Variants in PPP2R3A observed in about 807,000 individuals in gnomAD.
The protein encoded by PPP2R3A is serine/threonine-protein phosphatase 2A regulatory subunit B'' subunit alpha.
A neutral mutation model predicts 106.9 loss-of-function variants in PPP2R3A; 80 were observed. That is an observed-to-expected ratio of 0.75 (90% CI 0.62 to 0.90). The LOEUF (loss-of-function observed/expected upper bound fraction) is 0.90. PPP2R3A is among the 40% of genes least tolerant of loss of function. The pLI is 0.00. For missense variants in PPP2R3A, 1,386 were observed against 1,350.4 expected, an observed-to-expected ratio of 1.03 and a Z score of -0.41; for synonymous variants, 483 against 468.3, an observed-to-expected ratio of 1.03 and a Z score of -0.41.
In PPP2R3A at chr3:136,147,061, C is replaced by G. The variant is rs1939165170; in HGVS notation, c.*1895C>G. ...GAAGTCCTCTTGCTTTCACTTTGAT[C>G]TGGTTTTTGAAGTCTCTTAATTATT... On this transcript the variant is annotated 3_prime_UTR_variant, in exon 14 of 14. Coordinates refer to ENST00000264977, the MANE Select transcript of PPP2R3A (RefSeq NM_002718.5). 1.3e-5 allele frequency: 2 copies of G among 151,892 alleles called. No homozygotes were observed. The highest frequency in any genetic ancestry group is 2.1e-4 in the South Asian group (1 of 4,822). The allele number at this position is 151,892 out of a possible 1,614,324, so 9.4% of individuals were successfully genotyped here.
chr3:136,007,339 G>A (rs559548642), intron 2 of PPP2R3A, among the ~76,000 whole-genome samples: 3 of 152,290 alleles, frequency 2.0e-5, no homozygotes, highest in African/African-American at 4.8e-5. Flanking sequence ...AATGGAAACC[G>A]CTCCCTTGCC....
intron 1 of PPP2R3A, among the ~76,000 whole-genome samples, chr3:135,968,465 A>T (rs1362788426): frequency 6.6e-6 from 1 of 152,210 alleles, no homozygotes; most frequent in Admixed American, 6.5e-5. Context: ...GAAGGAACAG[A>T]TGTGAATACC....
chr3:135,970,070 C>T (rs1390022498), intron 1 of PPP2R3A, among the ~76,000 whole-genome samples: 1 of 152,242 alleles, frequency 6.6e-6, no homozygotes, highest in African/African-American at 2.4e-5. Context: ...AATGCTAATG[C>T]TGTGGTCCAC....
rs1201171129 is a variant in PPP2R3A, at chr3:136,002,511, T to C, written c.1013T>C (p.Val338Ala). The stretch of plus-strand genomic sequence containing the variant: ...CAACCCCCTAAATATGAAGATGTTG[T>C]CCAGCTCTCAGCTTCTGACTCTGGA... The part of the protein sequence containing the change: ...TEQPPKYEDV[V>A]QLSASDSGRF... The change falls in exon 2 of 14, where the codon GTC (valine) becomes GCC (alanine). Residue 338 changes from valine (V) to alanine (A), a missense_variant. Physicochemically the swap from Val to Ala is moderately conservative, Grantham distance 64. Transcript: ENST00000264977. The C allele has an allele frequency of 6.2e-7, 1 of 1,614,008 alleles. No individual in the cohort carries two copies. The highest frequency in any genetic ancestry group is 1.7e-5 in the Admixed American group (1 of 60,004).
intron 10 of PPP2R3A, among the ~76,000 whole-genome samples, chr3:136,099,414 G>GA (rs1161898098): frequency 1.3e-5 from 2 of 151,312 alleles, no homozygotes; most frequent in African/African-American, 2.4e-5. Context: ...AACATTACAA[G>GA]AAAAAAAACA....
chr3:136,061,454 C>G (rs1460237956), intron 5 of PPP2R3A, among the ~76,000 whole-genome samples: 1 of 152,010 alleles, frequency 6.6e-6, no homozygotes, highest in Non-Finnish European at 1.5e-5. Context: ...ATGGTGAAAC[C>G]ACATCTCTAC....
At chr3:136,120,807 G>A (rs1248508107) in intron 13 of PPP2R3A, among the ~76,000 whole-genome samples, 1 of 151,964 alleles carries the variant, frequency 6.6e-6, no homozygotes, top group East Asian at 1.9e-4. Flanking sequence ...CATACAAGCA[G>A]GCAACAAGCA....
intron 1 of PPP2R3A, among the ~76,000 whole-genome samples, chr3:135,976,634 T>G (rs1937429366): frequency 6.6e-6 from 1 of 152,230 alleles, no homozygotes; most frequent in East Asian, 1.9e-4. Context: ...AATGGCATAT[T>G]TCCTCCAATC....
At position 136,042,169 on chromosome 3, in the gene PPP2R3A, A is replaced by G. The variant is rs964279042; in HGVS notation, c.2366+1207A>G. 2.7e-4 allele frequency among the ~76,000 whole-genome samples: 41 copies of G among 152,244 alleles called. 1 individual carries two copies. The highest frequency in any genetic ancestry group is 9.9e-4 in the African/African-American group (41 of 41,466). ...TGCTTGAGAATATAGTAGGTGATTAATAAATGTATTCTTATTTTTAAAAAT... is the reference window on the plus strand; with the variant it reads ...TGCTTGAGAATATAGTAGGTGATTAGTAAATGTATTCTTATTTTTAAAAAT... On this transcript the variant is annotated intron_variant, in intron 4 of 13. Transcript: ENST00000264977.
chr3:136,070,451 T>C, intron 5 of PPP2R3A, 27 bp from the exon 6 acceptor site: 5 of 1,567,164 alleles, frequency 3.2e-6, no homozygotes, highest in Non-Finnish European at 4.3e-6. Context: ...TGTTTGTTAA[T>C]TTAGTTTTGG....
intron 9 of PPP2R3A, among the ~76,000 whole-genome samples, chr3:136,088,913 C>G (rs1292917170): frequency 6.6e-6 from 1 of 151,912 alleles, no homozygotes; most frequent in Non-Finnish European, 1.5e-5. Flanking sequence ...CGTTCATGTC[C>G]TTTGCCCATT....
At chr3:136,139,368 C>T (rs926190905) in intron 13 of PPP2R3A, among the ~76,000 whole-genome samples, 1 of 152,084 alleles carries the variant, frequency 6.6e-6, no homozygotes, top group African/African-American at 2.4e-5. Context: ...CATGAACCAC[C>T]ATATCCCCTC....
intron 1 of PPP2R3A, among the ~76,000 whole-genome samples, chr3:135,974,091 CTT>C (rs1215691432): frequency 1.3e-5 from 2 of 152,196 alleles, no homozygotes; most frequent in Non-Finnish European, 2.9e-5. Context: ...GATTATTCCT[CTT>C]TCTTTGAAAC....
chr3:136,093,681 G>T (rs4678322), intron 10 of PPP2R3A, among the ~76,000 whole-genome samples: 40,666 of 152,068 alleles, frequency 0.27, 6,025 homozygotes, highest in African/African-American at 0.39. Context: ...TCAGAGAAGT[G>T]CAAATCAAAA....
intron 13 of PPP2R3A, among the ~76,000 whole-genome samples, chr3:136,129,262 ATACACCTC>A (rs769139728): frequency 3.9e-5 from 6 of 152,150 alleles, no homozygotes; most frequent in Non-Finnish European, 7.4e-5. Flanking sequence ...AACAAAATTG[ATACACCTC>A]TACCAAGACT....
intron 13 of PPP2R3A, among the ~76,000 whole-genome samples, chr3:136,136,443 T>A (rs1362087477): frequency 2.0e-5 from 3 of 152,146 alleles, no homozygotes; most frequent in African/African-American, 7.2e-5. Flanking sequence ...ATTTTACTGC[T>A]TGACACAGTA....
Position 136,102,004 on chromosome 3 carries a change from T to C in PPP2R3A, c.2928-3T>C. On this transcript the variant is annotated splice_region_variant and splice_polypyrimidine_tract_variant and intron_variant, in intron 10 of 13. Transcript: ENST00000264977. The stretch of plus-strand genomic sequence containing the variant: ...CATGATAATGATTGTCCTTATCATC[T>C]AGCATTGAGTATTGGTTCCGCTGCA... 1 of 1,612,406 alleles carries C rather than the reference T, an allele frequency of 6.2e-7. No homozygotes were observed. Among genetic ancestry groups the C allele is most frequent in the Non-Finnish European group, 8.5e-7 (1 of 1,178,878 alleles).
rs1025026202 is a variant in PPP2R3A at position 136,001,268 on chromosome 3, C to T, written c.-231C>T. The T allele has an allele frequency of 5.8e-5, 27 of 469,420 alleles. No homozygotes were observed. Among genetic ancestry groups the T allele is most frequent in the Middle Eastern group, 1.1e-3 (2 of 1,868 alleles). 29.1% of individuals were successfully genotyped at this position (469,420 alleles called of 1,614,324 possible). The stretch of plus-strand genomic sequence containing the variant: ...AATATTACTAAATAAAATTAAAAAG[C>T]ACAATTATTAAATTATTAAATTTGC... On this transcript the variant is annotated 5_prime_UTR_variant, in exon 2 of 14. Coordinates refer to ENST00000264977, the MANE Select transcript of PPP2R3A (RefSeq NM_002718.5).
At chr3:136,032,827 C>T (rs1411810165) in intron 3 of PPP2R3A, among the ~76,000 whole-genome samples, 3 of 152,208 alleles carry the variant, frequency 2.0e-5, no homozygotes, top group Non-Finnish European at 4.4e-5. Flanking sequence ...AGCCACCACA[C>T]CCGGCCGACT....
Sources: gnomAD v4.1 joint callset for allele counts (sites outside exome capture counted in the v4.1 genomes callset) on GRCh38, gnomAD v4.1.1 for gene constraint, MANE v1.5 for transcripts, NCBI Gene and HGNC (gene_info 2026-07-23, HGNC 2026-07-21) for gene names.